The following MAF variants were observed in gnomAD, a reference collection of about 807,000 sequenced individuals.
MAF encodes the protein MAF bZIP transcription factor.
A neutral mutation model predicts 22.0 loss-of-function variants in MAF; 10 were observed. The observed-to-expected ratio is 0.45, with a 90% CI of 0.28 to 0.77. MAF has a LOEUF of 0.77. Ranked by LOEUF, MAF falls within the 30% of genes least tolerant of loss-of-function variation. MAF has a pLI of 0.12. For synonymous variants in MAF, 337 were observed against 255.8 expected (o/e 1.32, Z -3.03); for missense variants, 544 against 548.4 (o/e 0.99, Z 0.08).
At chr16:79,539,502 TCAAAA>T in the MAF span, among the ~76,000 whole-genome samples, 54 of 152,082 alleles carry the variant, frequency 3.6e-4, no homozygotes, top group Middle Eastern at 3.4e-3. Context: ...AGACTCCACC[TCAAAA>T]CAAAACAAAA....
the MAF span, among the ~76,000 whole-genome samples, chr16:79,309,843 AG>A: frequency 6.6e-6 from 1 of 152,220 alleles, no homozygotes; most frequent in Admixed American, 6.5e-5. Flanking sequence ...GCTGTGGGAA[AG>A]CCCCACAACT....
the MAF span, chr16:79,203,985 G>A: frequency 2.5e-4 from 38 of 152,152 alleles, no homozygotes; most frequent in East Asian, 7.0e-3. Flanking sequence ...CCTTTAGCAC[G>A]GGCATCAAGG....
the MAF span, among the ~76,000 whole-genome samples, chr16:79,278,593 T>G: frequency 2.6e-5 from 4 of 152,216 alleles, no homozygotes; most frequent in African/African-American, 4.8e-5. Flanking sequence ...CTTGAAGTAT[T>G]GCTTTTTCCG....
At chr16:79,350,746 G>A in the MAF span, among the ~76,000 whole-genome samples, 4 of 152,196 alleles carry the variant, frequency 2.6e-5, no homozygotes, top group Non-Finnish European at 5.9e-5. Flanking sequence ...GACCTGCCCT[G>A]GGAACCTGTT....
chr16:79,252,187 C>T, the MAF span, among the ~76,000 whole-genome samples: 2 of 152,104 alleles, frequency 1.3e-5, no homozygotes, highest in Non-Finnish European at 2.9e-5. Flanking sequence ...CTTTGTGGGT[C>T]GTACGACCCA....
chr16:79,554,212 G>A, the MAF span, among the ~76,000 whole-genome samples: 1 of 152,164 alleles, frequency 6.6e-6, no homozygotes, highest in African/African-American at 2.4e-5. Flanking sequence ...TGCAGTAGAA[G>A]GGTTTCCTAA....
chr16:79,206,305 G>A, the MAF span: 3 of 152,142 alleles, frequency 2.0e-5, no homozygotes, highest in African/African-American at 7.2e-5. Flanking sequence ...TGAGGAAATG[G>A]GCCACGTGCA....
chr16:79,551,537 T>C, the MAF span, among the ~76,000 whole-genome samples: 1 of 152,264 alleles, frequency 6.6e-6, no homozygotes, highest in Middle Eastern at 3.4e-3. Context: ...TCCAGGACCT[T>C]TTGAAACAGA....
At chr16:79,489,176 T>C in the MAF span, among the ~76,000 whole-genome samples, 3 of 151,988 alleles carry the variant, frequency 2.0e-5, no homozygotes, top group Non-Finnish European at 4.4e-5. Flanking sequence ...CATCCACCTA[T>C]CCACACATCC....
At chr16:79,401,352 T>C in the MAF span, among the ~76,000 whole-genome samples, 2 of 152,136 alleles carry the variant, frequency 1.3e-5, no homozygotes, top group Non-Finnish European at 2.9e-5. Flanking sequence ...TGGAACTCTC[T>C]CCTAGACCCC....
chr16:79,503,097 T>C, the MAF span, among the ~76,000 whole-genome samples: 1 of 152,120 alleles, frequency 6.6e-6, no homozygotes, highest in Non-Finnish European at 1.5e-5. Context: ...ATTAAGTTGC[T>C]AAGAAGGACA....
chr16:79,277,658 C>T, the MAF span, among the ~76,000 whole-genome samples: 367 of 152,312 alleles, frequency 2.4e-3, no homozygotes, highest in Non-Finnish European at 4.4e-3. Context: ...AGGAATTGTA[C>T]AGACACTAGT....
At chr16:79,228,972 T>A in the MAF span, among the ~76,000 whole-genome samples, 8 of 151,756 alleles carry the variant, frequency 5.3e-5, no homozygotes, top group East Asian at 1.6e-3. Context: ...AAGATGGGCT[T>A]TCATCGTTAA....
chr16:79,278,741 G>A, the MAF span, among the ~76,000 whole-genome samples: 3 of 152,092 alleles, frequency 2.0e-5, no homozygotes, highest in Admixed American at 6.5e-5. Context: ...GAAGCCTGTC[G>A]AGCTACCCAA....
chr16:79,432,132 C>G, the MAF span, among the ~76,000 whole-genome samples: 4 of 152,242 alleles, frequency 2.6e-5, no homozygotes, highest in South Asian at 8.3e-4. Context: ...ATGGTTTCCC[C>G]CATGCTGTTC....
chr16:79,548,438 G>A, the MAF span, among the ~76,000 whole-genome samples: 1 of 152,012 alleles, frequency 6.6e-6, no homozygotes, highest in African/African-American at 2.4e-5. Flanking sequence ...GATATAACAA[G>A]GAAAAAACAG....
At chr16:79,326,251 A>G in the MAF span, among the ~76,000 whole-genome samples, 1 of 152,174 alleles carries the variant, frequency 6.6e-6, no homozygotes, top group Admixed American at 6.5e-5. Context: ...TCAACCTCAT[A>G]GGGCTGTAGT....
the MAF span, among the ~76,000 whole-genome samples, chr16:79,447,331 CAAAAA>C: frequency 9.1e-5 from 9 of 98,588 alleles, no homozygotes; most frequent in South Asian, 1.5e-3. Flanking sequence ...ACCTACTGCT[CAAAAA>C]AAAAAAAAAA....
the MAF span, among the ~76,000 whole-genome samples, chr16:79,327,320 C>G: frequency 6.6e-6 from 1 of 152,122 alleles, no homozygotes; most frequent in South Asian, 2.1e-4. Context: ...CTGGGTAGTT[C>G]TCTCACAATG....
Sources: allele counts gnomAD v4.1 joint callset (sites outside exome capture counted in the v4.1 genomes callset), GRCh38; gene constraint gnomAD v4.1.1; transcripts MANE v1.5; gene names NCBI Gene and HGNC (gene_info 2026-07-23, HGNC 2026-07-21).